Variants in KCNMA1 observed in about 807,000 individuals in gnomAD.
The protein encoded by KCNMA1 is potassium calcium-activated channel subfamily M alpha 1.
A neutral mutation model predicts 140.0 loss-of-function variants in KCNMA1; 29 were observed. The ratio of observed to expected loss-of-function variants is 0.21; its 90% CI spans 0.15 to 0.28. The LOEUF is 0.28. Ranked by LOEUF, KCNMA1 falls within the 10% of genes least tolerant of loss-of-function variation. KCNMA1 has a pLI of 1.00. For synonymous variants in KCNMA1, 612 were observed against 611.9 expected (o/e 1.00, Z 0.00); for missense variants, 880 against 1,602.2 (o/e 0.55, Z 7.70).
chr10:77,467,332 AT>A, intron 1 of KCNMA1, among the ~76,000 whole-genome samples: 1 of 152,294 alleles, frequency 6.6e-6, no homozygotes, highest in East Asian at 1.9e-4. Flanking sequence ...TGTTGGTTGC[AT>A]TTTTTGATGA....
chr10:76,977,445 A>C (rs2077980140), intron 19 of KCNMA1: 1 of 660,138 alleles, frequency 1.5e-6, no homozygotes. Flanking sequence ...TTGTTGGTTT[A>C]CCAGCCATCC....
chr10:77,328,510 A>G (rs2085074572), intron 2 of KCNMA1, among the ~76,000 whole-genome samples: 1 of 152,244 alleles, frequency 6.6e-6, no homozygotes, highest in African/African-American at 2.4e-5. Flanking sequence ...AAAAGGCCTC[A>G]AAGAAGATAA....
chr10:77,231,577 A>C (rs568788308), intron 3 of KCNMA1, among the ~76,000 whole-genome samples: 1 of 152,290 alleles, frequency 6.6e-6, no homozygotes, highest in Admixed American at 6.5e-5. Flanking sequence ...TCTAGGAGGA[A>C]AATACCTGTT....
At chr10:77,170,706 C>T (rs974639535) in intron 5 of KCNMA1, among the ~76,000 whole-genome samples, 2 of 152,148 alleles carry the variant, frequency 1.3e-5, no homozygotes, top group African/African-American at 4.8e-5. Flanking sequence ...TGACCCTATC[C>T]TAATTTCAGA....
intron 2 of KCNMA1, among the ~76,000 whole-genome samples, chr10:77,308,173 G>A (rs1288506636): frequency 6.6e-6 from 1 of 152,176 alleles, no homozygotes; most frequent in Non-Finnish European, 1.5e-5. Flanking sequence ...AGAGAGGAGT[G>A]AGTGGGAGGA....
chr10:77,446,828 A>G (rs1244914875), intron 1 of KCNMA1, among the ~76,000 whole-genome samples: 1 of 152,236 alleles, frequency 6.6e-6, no homozygotes, highest in Non-Finnish European at 1.5e-5. Context: ...CCACACTGCA[A>G]TGTTTTCCAT....
At chr10:77,481,311 A>C (rs1310351050) in intron 1 of KCNMA1, among the ~76,000 whole-genome samples, 1 of 152,144 alleles carries the variant, frequency 6.6e-6, no homozygotes, top group African/African-American at 2.4e-5. Flanking sequence ...ATGAACAAAT[A>C]AATTTGTTGA....
chr10:77,480,658 G>C (rs1234050945), intron 1 of KCNMA1, among the ~76,000 whole-genome samples: 2 of 152,110 alleles, frequency 1.3e-5, no homozygotes, highest in Non-Finnish European at 1.5e-5. Flanking sequence ...GAATTCTTTT[G>C]AAACCGCAGG....
chr10:77,257,439 A>G (rs1024772145), intron 2 of KCNMA1, among the ~76,000 whole-genome samples: 2 of 152,182 alleles, frequency 1.3e-5, no homozygotes, highest in South Asian at 2.1e-4. Flanking sequence ...TCCAGGATAT[A>G]AAGGAAGGAT....
intron 2 of KCNMA1, among the ~76,000 whole-genome samples, chr10:77,361,771 C>T (rs996032612): frequency 1.4e-4 from 21 of 152,306 alleles, no homozygotes; most frequent in African/African-American, 5.1e-4. Flanking sequence ...GACAGGGTGG[C>T]CACTGCCCGT....
chr10:76,909,189 T>C (rs930116389), intron 25 of KCNMA1, among the ~76,000 whole-genome samples: 1 of 152,170 alleles, frequency 6.6e-6, no homozygotes, highest in African/African-American at 2.4e-5. Flanking sequence ...CACTGTCCTC[T>C]CCACCTTCTG....
chr10:77,318,664 G>A (rs142524117), intron 2 of KCNMA1, among the ~76,000 whole-genome samples: 348 of 152,232 alleles, frequency 2.3e-3, no homozygotes, highest in Middle Eastern at 3.4e-3. Context: ...CCCTACTCAC[G>A]TCCTAGAAGA....
intron 5 of KCNMA1, among the ~76,000 whole-genome samples, chr10:77,122,304 G>T (rs1457025426): frequency 6.6e-6 from 1 of 152,156 alleles, no homozygotes; most frequent in Non-Finnish European, 1.5e-5. Flanking sequence ...CATCTGAAAA[G>T]GATTAACCAT....
chr10:76,894,691 T>A (rs890324925), intron 25 of KCNMA1, among the ~76,000 whole-genome samples: 1 of 152,112 alleles, frequency 6.6e-6, no homozygotes, highest in Non-Finnish European at 1.5e-5. Context: ...CAAAAAGATA[T>A]AAAAGTGGTT....
intron 13 of KCNMA1, among the ~76,000 whole-genome samples, 165 bp downstream of exon 13, chr10:77,079,314 AAC>A (rs1343481659): frequency 6.6e-6 from 1 of 151,886 alleles, no homozygotes; most frequent in Non-Finnish European, 1.5e-5. Flanking sequence ...GAAGATTTTT[AAC>A]AATCACACCT....
chr10:77,526,324 G>A lies in KCNMA1; in HGVS notation c.378+110941C>T, dbSNP rs537579545. ...TGTTCTTGATCATTAGTAATCAAAA[G>A]CATCTAACTAATGTAGTGGACCCCC... is the stretch of plus-strand genomic sequence containing the variant. On this transcript the variant is annotated intron_variant, in intron 1 of 27. Transcript: ENST00000286628. Among the ~76,000 whole-genome samples, 5 of 152,236 alleles carry A rather than the reference G, an allele frequency of 3.3e-5. No individual in the cohort carries two copies. The South Asian group carries it at 1.0e-3, about 32-fold the overall frequency.
chr10:77,351,606 T>G (rs936294416), intron 2 of KCNMA1, among the ~76,000 whole-genome samples: 2 of 152,202 alleles, frequency 1.3e-5, no homozygotes, highest in Non-Finnish European at 2.9e-5. Flanking sequence ...TGTTATCCTC[T>G]GTTTTTCCTT....
intron 23 of KCNMA1, among the ~76,000 whole-genome samples, chr10:76,937,572 G>C (rs1319333965): frequency 2.0e-5 from 3 of 152,168 alleles, no homozygotes; most frequent in Non-Finnish European, 4.4e-5. Context: ...ACTTTAGGAA[G>C]GCCCTTTTCG....
At chr10:77,087,330 T>C (rs1190133762) in intron 10 of KCNMA1, among the ~76,000 whole-genome samples, 1 of 152,170 alleles carries the variant, frequency 6.6e-6, no homozygotes, top group Non-Finnish European at 1.5e-5. Flanking sequence ...TAGAGATAGA[T>C]AGATAGATAG....
Sources: allele counts gnomAD v4.1 joint callset (sites outside exome capture counted in the v4.1 genomes callset), GRCh38; gene constraint gnomAD v4.1.1; transcripts MANE v1.5; gene names NCBI Gene and HGNC (gene_info 2026-07-23, HGNC 2026-07-21).